The following NFATC2 variants were observed in gnomAD, a reference collection of about 807,000 sequenced individuals.
The protein encoded by NFATC2 is nuclear factor of activated T cells 2, also known as nuclear factor of activated T-cells, cytoplasmic 2.
NFATC2 carries 22 observed loss-of-function variants against 87.3 expected under a neutral mutation model. That is an observed-to-expected ratio of 0.25 (90% CI 0.18 to 0.36). The LOEUF (loss-of-function observed/expected upper bound fraction) is 0.36. NFATC2 is among the 10% of genes least tolerant of loss of function. NFATC2 has a pLI of 1.00. For synonymous variants in NFATC2, 565 were observed against 542.2 expected (o/e 1.04, Z -0.58); for missense variants, 1,149 against 1,259.1 (o/e 0.91, Z 1.32).
intron 2 of NFATC2, among the ~76,000 whole-genome samples, chr20:51,518,420 TA>T (rs763147944): frequency 3.3e-5 from 5 of 152,200 alleles, no homozygotes; most frequent in East Asian, 3.8e-4. Context: ...AGCACCTCCA[TA>T]AACTTCATCT....
intron 3 of NFATC2, among the ~76,000 whole-genome samples, chr20:51,513,758 C>T (rs958136436): frequency 2.0e-5 from 3 of 152,370 alleles, no homozygotes; most frequent in South Asian, 2.1e-4. Flanking sequence ...ATCAGCATCT[C>T]CCTGAGAATC....
At chr20:51,410,021 T>C (rs1978946769) in intron 9 of NFATC2, among the ~76,000 whole-genome samples, 1 of 152,002 alleles carries the variant, frequency 6.6e-6, no homozygotes, top group Non-Finnish European at 1.5e-5. Context: ...CCATCCTGGC[T>C]AACACGGTGA....
chr20:51,490,034 A>G (rs1055322892), intron 3 of NFATC2, among the ~76,000 whole-genome samples: 8 of 152,356 alleles, frequency 5.3e-5, no homozygotes, highest in Middle Eastern at 3.4e-3. Context: ...AATTCAATTC[A>G]AGTCAACAAA....
In NFATC2 at chr20:51,435,174, G is replaced by A; in HGVS notation, c.2032+14C>T. On this transcript the variant is annotated intron_variant, in intron 8 of 10. Coordinates refer to ENST00000371564, the MANE Select transcript of NFATC2 (RefSeq NM_012340.5). ...CCTCTCAATAACAAAGGGGTCATCA[G>A]AAACACTCCTTACCTGGGTGGTAGG... The A allele has an allele frequency of 6.2e-7, 1 of 1,613,810 alleles. No homozygotes were observed. The highest frequency in any genetic ancestry group is 8.5e-7 in the Non-Finnish European group (1 of 1,179,812).
intron 6 of NFATC2, among the ~76,000 whole-genome samples, chr20:51,444,872 C>T (rs759256082): frequency 6.6e-6 from 1 of 152,068 alleles, no homozygotes; most frequent in African/African-American, 2.4e-5. Flanking sequence ...GGATTTCAGC[C>T]GCCCGACAGG....
intron 3 of NFATC2, among the ~76,000 whole-genome samples, chr20:51,504,952 G>A (rs1208880474): frequency 7.3e-6 from 1 of 137,448 alleles, no homozygotes; most frequent in African/African-American, 2.6e-5. Context: ...AAATACACCA[G>A]CAATAAGAGT....
intron 3 of NFATC2, among the ~76,000 whole-genome samples, chr20:51,491,166 C>T (rs554920658): frequency 6.6e-6 from 1 of 152,242 alleles, no homozygotes; most frequent in Admixed American, 6.5e-5. Context: ...AAAATCATCT[C>T]CTGGCTCCAG....
At chr20:51,423,751 T>G (rs1367884324) in intron 9 of NFATC2, among the ~76,000 whole-genome samples, 1 of 152,204 alleles carries the variant, frequency 6.6e-6, no homozygotes, top group East Asian at 1.9e-4. Context: ...TGGTCCTCTT[T>G]TTTAGGAGCT....
At position 51,478,049 on chromosome 20, in the gene NFATC2, T is replaced by C. The variant is rs188179891; in HGVS notation, c.1333-2389A>G. On this transcript the variant is annotated intron_variant, in intron 3 of 10. Transcript: ENST00000371564. Reference sequence around the variant, plus strand: ...ACAATGCTGGTCTAGAAAGATGGCATGCTCATGTCCCCTTCTAAAAGCCAT... The same window carrying C: ...ACAATGCTGGTCTAGAAAGATGGCACGCTCATGTCCCCTTCTAAAAGCCAT... 3.8e-4 allele frequency among the ~76,000 whole-genome samples: 58 copies of C among 152,286 alleles called. No homozygotes were observed. In the East Asian group the frequency reaches 0.011, roughly 28 times the overall value.
At chr20:51,511,727 T>A (rs1317447465) in intron 3 of NFATC2, among the ~76,000 whole-genome samples, 1 of 152,196 alleles carries the variant, frequency 6.6e-6, no homozygotes, top group Non-Finnish European at 1.5e-5. Context: ...CCTTGATCTT[T>A]CCCCTGGTAC....
At chr20:51,468,690 C>G (rs933508745) in intron 5 of NFATC2, among the ~76,000 whole-genome samples, 5 of 152,178 alleles carry the variant, frequency 3.3e-5, no homozygotes, top group African/African-American at 1.2e-4. Flanking sequence ...GCCTGGAGAC[C>G]GTCACCATGT....
intron 1 of NFATC2, among the ~76,000 whole-genome samples, chr20:51,561,490 AGC>A (rs1184955929): frequency 1.0e-5 from 1 of 95,336 alleles, no homozygotes; most frequent in East Asian, 3.1e-4. Context: ...AAAGAAAGCA[AGC>A]AAGCAAGCAA....
intron 3 of NFATC2, among the ~76,000 whole-genome samples, chr20:51,505,510 C>T (rs931009895): frequency 6.6e-6 from 1 of 151,484 alleles, no homozygotes; most frequent in Non-Finnish European, 1.5e-5. Context: ...TTGTATGTGT[C>T]TCTGTGTATA....
At chr20:51,482,117 C>T (rs950183034) in intron 3 of NFATC2, among the ~76,000 whole-genome samples, 2 of 151,982 alleles carry the variant, frequency 1.3e-5, no homozygotes, top group African/African-American at 2.4e-5. Flanking sequence ...AAAATCCCCC[C>T]ACCCCCAGCC....
At chr20:51,439,400 C>A (rs930297203) in intron 6 of NFATC2, among the ~76,000 whole-genome samples, 8 of 152,230 alleles carry the variant, frequency 5.3e-5, no homozygotes, top group African/African-American at 1.7e-4. Flanking sequence ...GGATTGGAAC[C>A]CAGGCAGCCT....
At chr20:51,510,204 A>G (rs1230215161) in intron 3 of NFATC2, among the ~76,000 whole-genome samples, 2 of 152,240 alleles carry the variant, frequency 1.3e-5, no homozygotes, top group Non-Finnish European at 2.9e-5. Flanking sequence ...AAGGATGGAT[A>G]AGGAATATAC....
chr20:51,467,800 A>G (rs891518524), intron 5 of NFATC2, among the ~76,000 whole-genome samples: 4 of 152,202 alleles, frequency 2.6e-5, no homozygotes, highest in Admixed American at 1.3e-4. Flanking sequence ...TACACAACCA[A>G]GTCCCTTCCT....
intron 9 of NFATC2, among the ~76,000 whole-genome samples, chr20:51,415,433 C>T (rs1318100955): frequency 6.6e-6 from 1 of 152,166 alleles, no homozygotes; most frequent in Middle Eastern, 3.4e-3. Context: ...TGGATGGACC[C>T]GGCTTCCTGA....
At chr20:51,489,748 A>G (rs2075850265) in intron 3 of NFATC2, among the ~76,000 whole-genome samples, 1 of 152,258 alleles carries the variant, frequency 6.6e-6, no homozygotes, top group African/African-American at 2.4e-5. Flanking sequence ...TGCCATGTAC[A>G]AAGAGTCAGA....
Sources: gnomAD v4.1 joint callset for allele counts (sites outside exome capture counted in the v4.1 genomes callset) on GRCh38, gnomAD v4.1.1 for gene constraint, MANE v1.5 for transcripts, NCBI Gene and HGNC (gene_info 2026-07-23, HGNC 2026-07-21) for gene names.